Variants in PCDHA10 observed in about 807,000 individuals in gnomAD.
PCDHA10 encodes protocadherin alpha 10.
A neutral mutation model predicts 61.2 loss-of-function variants in PCDHA10; 45 were observed. The observed-to-expected ratio is 0.74, with a 90% CI of 0.58 to 0.94. The LOEUF (loss-of-function observed/expected upper bound fraction) is 0.94, where lower values mean the gene tolerates loss of function less well. PCDHA10 is among the 40% of genes least tolerant of loss of function. The probability of loss-of-function intolerance (pLI) is 0.00; values close to 1 mark genes in which losing one functional copy is unlikely to be tolerated. For synonymous variants in PCDHA10, 602 were observed against 548.8 expected (o/e 1.10, Z -1.35); for missense variants, 1,278 against 1,236.2 (o/e 1.03, Z -0.51).
chr5:140,883,150 C>T, intron 1 of PCDHA10: 1 of 1,613,910 alleles, frequency 6.2e-7, no homozygotes, highest in Non-Finnish European at 8.5e-7. Flanking sequence ...ATGCATTTAC[C>T]ATAAATCCGA....
intron 3 of PCDHA10, among the ~76,000 whole-genome samples, chr5:141,000,193 A>G (rs554462748): frequency 2.0e-5 from 3 of 151,958 alleles, no homozygotes; most frequent in Non-Finnish European, 4.4e-5. Flanking sequence ...ATGTGAGAAT[A>G]GTTTTTCACC....
intron 3 of PCDHA10, among the ~76,000 whole-genome samples, chr5:141,002,568 C>T (rs1554258737): frequency 6.6e-6 from 1 of 152,182 alleles, no homozygotes; most frequent in Admixed American, 6.5e-5. Context: ...AGTTAGTGAC[C>T]ATGTGACCAT....
chr5:140,887,043 A>G (rs1459489169), intron 1 of PCDHA10, among the ~76,000 whole-genome samples: 1 of 151,986 alleles, frequency 6.6e-6, no homozygotes, highest in Admixed American at 6.6e-5. Context: ...TATTTTTTAT[A>G]GTGCATATGT....
chr5:140,952,531 C>T (rs1463200514), intron 1 of PCDHA10, among the ~76,000 whole-genome samples: 1 of 152,138 alleles, frequency 6.6e-6, no homozygotes, highest in Non-Finnish European at 1.5e-5. Context: ...CCTCCTCAGA[C>T]TGGACTTCTT....
rs1554262827 is a variant in PCDHA10 at position 141,010,253 on chromosome 5, C to A, written c.*316C>A. The A allele has an allele frequency of 3.2e-6, 5 of 1,551,834 alleles. No homozygotes were observed. The highest frequency in any genetic ancestry group is 1.7e-4 in the Middle Eastern group (1 of 5,990). On this transcript the variant is annotated 3_prime_UTR_variant, in exon 4 of 4. Transcript: ENST00000307360. ...CGCCAGTGAGAGGTTGGACTCTCTG[C>A]CCTGTGCTCCGGGGATCCTGTCTTG...
intron 1 of PCDHA10, among the ~76,000 whole-genome samples, chr5:140,959,119 G>A (rs576475580): frequency 3.3e-5 from 5 of 152,160 alleles, no homozygotes; most frequent in East Asian, 3.9e-4. Context: ...GAAGGTGGGC[G>A]AGGTGAGCCC....
chr5:140,861,362 C>T (rs2046877441), intron 1 of PCDHA10: 11 of 354,006 alleles, frequency 3.1e-5, no homozygotes, highest in South Asian at 2.4e-4. Context: ...ATAGCGTCTT[C>T]GCGGTCCCTA....
chr5:141,010,923 A>T lies in PCDHA10; in HGVS notation c.*986A>T, dbSNP rs184389417. The T allele has an allele frequency of 4.0e-3, 619 of 153,912 alleles. 3 individuals are homozygous for T. Among genetic ancestry groups the T allele is most frequent in the Admixed American group, 6.2e-3 (95 of 15,302 alleles). The allele number at this position is 153,912 out of a possible 1,614,324, so 9.5% of individuals were successfully genotyped here. A position where few individuals can be genotyped will look rare whatever the true frequency, so the allele number is the denominator to read the frequency against. ...TCCCCTAAACTCTCCTCAAAAGAGA[A>T]TTCAGTCTACAGCCATTTAAATGAT... On this transcript the variant is annotated 3_prime_UTR_variant, in exon 4 of 4. Coordinates refer to ENST00000307360, the MANE Select transcript of PCDHA10 (RefSeq NM_018901.4).
At chr5:140,928,032 TAGTGC>T (rs782031018) in intron 1 of PCDHA10, 7 of 1,614,216 alleles carry the variant, frequency 4.3e-6, no homozygotes, top group Non-Finnish European at 5.9e-6. Context: ...GTGGCATGTC[TAGTGC>T]AGGCCCTTTT....
At chr5:140,985,067 A>C (rs2153836144) in intron 3 of PCDHA10, among the ~76,000 whole-genome samples, 1 of 152,116 alleles carries the variant, frequency 6.6e-6, no homozygotes, top group East Asian at 1.9e-4. Flanking sequence ...CCTCCTGAGT[A>C]GCTGAGACTA....
intron 1 of PCDHA10, chr5:140,929,236 A>C (rs782440521): frequency 3.1e-6 from 5 of 1,613,890 alleles, no homozygotes; most frequent in Non-Finnish European, 3.4e-6. Flanking sequence ...CGACCTGCGA[A>C]ATCTTGCCAC....
intron 2 of PCDHA10, among the ~76,000 whole-genome samples, chr5:140,981,681 C>T (rs1187108666): frequency 6.6e-6 from 1 of 152,064 alleles, no homozygotes; most frequent in Non-Finnish European, 1.5e-5. Context: ...TTCCTTCCTC[C>T]CTTCCATCAT....
At chr5:140,860,712 GA>G (rs1321036052) in intron 1 of PCDHA10, 1 of 152,188 alleles carries the variant, frequency 6.6e-6, no homozygotes, top group African/African-American at 2.4e-5. Flanking sequence ...TGTTCTCCAT[GA>G]AAAGTTTTTT....
intron 1 of PCDHA10, chr5:140,967,458 A>T (rs1042156831): frequency 6.2e-7 from 1 of 1,613,546 alleles, no homozygotes; most frequent in Non-Finnish European, 8.5e-7. Flanking sequence ...ACAGCCGTGG[A>T]TGGGGGCATC....
At chr5:140,869,951 CAATT>C (rs1554163647) in intron 1 of PCDHA10, 4 of 1,611,984 alleles carry the variant, frequency 2.5e-6, no homozygotes, top group Non-Finnish European at 3.4e-6. Flanking sequence ...TCCTTAATGT[CAATT>C]AAGCCCAATG....
chr5:140,909,411 CATTTGG>C (rs2074480921), intron 1 of PCDHA10, among the ~76,000 whole-genome samples: 2 of 152,142 alleles, frequency 1.3e-5, no homozygotes, highest in African/African-American at 4.8e-5. Flanking sequence ...TTGCAGTTAC[CATTTGG>C]TTAAACTTAT....
intron 1 of PCDHA10, chr5:140,969,064 C>G: frequency 6.2e-7 from 1 of 1,614,136 alleles, no homozygotes; most frequent in Non-Finnish European, 8.5e-7. Context: ...ATATTGATGC[C>G]AGGATACCGC....
At chr5:140,915,105 C>T (rs1554196760) in intron 1 of PCDHA10, among the ~76,000 whole-genome samples, 1 of 152,020 alleles carries the variant, frequency 6.6e-6, no homozygotes, top group East Asian at 1.9e-4. Flanking sequence ...ACCACCACAA[C>T]ACCCACCTAA....
In PCDHA10 at chr5:140,937,639, A is replaced by G. The variant is rs140444916; in HGVS notation, c.2389-41310A>G. On this transcript the variant is annotated intron_variant, in intron 1 of 3. Transcript: ENST00000307360. ...CTAAAAAGAAAAAGAAAGGCAGGGC[A>G]TGGTGGCTCACGCCTGTAATCCCAG... is the stretch of plus-strand genomic sequence containing the variant. 9.3e-5 allele frequency among the ~76,000 whole-genome samples: 14 copies of G among 151,094 alleles called. No individual in the cohort carries two copies. In the East Asian group the frequency reaches 1.8e-3, roughly 20 times the overall value.
Sources: allele counts gnomAD v4.1 joint callset (sites outside exome capture counted in the v4.1 genomes callset), GRCh38; gene constraint gnomAD v4.1.1; transcripts MANE v1.5; gene names NCBI Gene and HGNC (gene_info 2026-07-23, HGNC 2026-07-21).